Variants in SPG7 observed in about 807,000 individuals in gnomAD.
SPG7 encodes the protein mitochondrial inner membrane m-AAA protease component paraplegin.
A neutral mutation model predicts 81.9 loss-of-function variants in SPG7; 103 were observed. The ratio of observed to expected loss-of-function variants is 1.26; its 90% CI spans 1.07 to 1.48. SPG7 has a LOEUF of 1.48. Ranked by LOEUF, SPG7 falls within the 40% of genes most tolerant of loss-of-function variation. The pLI is 0.00. For synonymous variants in SPG7, 534 were observed against 444.2 expected (o/e 1.20, Z -2.54); for missense variants, 1,241 against 1,087.3 (o/e 1.14, Z -1.99).
intron 5 of SPG7, 166 bp from the exon 6 acceptor site, chr16:89,529,311 A>C (rs973833711): frequency 1.5e-6 from 1 of 662,168 alleles, no homozygotes; most frequent in African/African-American, 1.8e-5. Flanking sequence ...CGAGAATGAG[A>C]CGAGAGAACC....
chr16:89,513,559 T>C (rs2058050673), intron 3 of SPG7, among the ~76,000 whole-genome samples: 1 of 151,602 alleles, frequency 6.6e-6, no homozygotes, highest in Non-Finnish European at 1.5e-5. Flanking sequence ...AGACCCTATC[T>C]ATACAGAAAG....
Position 89,532,639 on chromosome 16 carries a change from C to G in SPG7, c.1324+3C>G. 1.9e-6 allele frequency: 3 copies of G among 1,613,202 alleles called. No homozygotes were observed. Among genetic ancestry groups the G allele is most frequent in the Non-Finnish European group, 2.5e-6 (3 of 1,180,022 alleles). On this transcript the variant is annotated splice_donor_region_variant and intron_variant, in intron 9 of 16. Transcript: ENST00000645818. The stretch of plus-strand genomic sequence containing the variant: ...CCAGCTTCTGGTAGAAATGGATGGT[C>G]AGTGCTCGTGCGCCCCGCACCCCCA...
chr16:89,554,549 G>T lies in SPG7; in HGVS notation c.2167G>T (p.Asp723Tyr). The stretch of plus-strand genomic sequence containing the variant: ...CGAGAAGGTGCTGCAGGACAACCTG[G>T]ACAAGTTGCAGGCGGTGAGGCCCTG... The part of the protein sequence containing the change: ...HTEKVLQDNL[D>Y]KLQALANALL... The change falls in exon 16 of 17, where the codon GAC (aspartate) becomes TAC (tyrosine). Residue 723 changes from aspartate to tyrosine, a missense_variant. Coordinates refer to ENST00000645818, the MANE Select transcript of SPG7 (RefSeq NM_003119.4). The T allele has an allele frequency of 6.2e-7, 1 of 1,609,316 alleles. No homozygotes were observed.
intron 9 of SPG7, chr16:89,541,407 A>G (rs1437277009): frequency 5.8e-6 from 5 of 859,300 alleles, no homozygotes; most frequent in African/African-American, 1.8e-5. Context: ...CAAAATAACA[A>G]AATTCTGGGG....
chr16:89,553,765 G>T, intron 14 of SPG7, 29 bp from the exon 15 acceptor site: 1 of 1,612,292 alleles, frequency 6.2e-7, no homozygotes, highest in Non-Finnish European at 8.5e-7. Flanking sequence ...CAGTGCTGAG[G>T]ATGCCTCTGT....
At chr16:89,526,742 T>C (rs2058266175) in intron 5 of SPG7, 1 of 413,308 alleles carries the variant, frequency 2.4e-6, no homozygotes, top group Non-Finnish European at 4.5e-6. Context: ...TGCTGAAGTC[T>C]AAGCCCCTGA....
intron 5 of SPG7, chr16:89,526,687 C>G (rs2152400587): frequency 1.9e-6 from 1 of 514,006 alleles, no homozygotes; most frequent in East Asian, 4.0e-5. Flanking sequence ...CTCGGACTTC[C>G]CAAGGATACC....
At chr16:89,536,835 C>T (rs1462966065) in intron 9 of SPG7, 3 of 1,614,200 alleles carry the variant, frequency 1.9e-6, no homozygotes, top group South Asian at 2.2e-5. Context: ...CCGCCTGCTC[C>T]TGTCTCACGG....
intron 6 of SPG7, 65 bp from the exon 7 acceptor site, chr16:89,530,618 G>C: frequency 6.2e-7 from 1 of 1,607,040 alleles, no homozygotes; most frequent in Middle Eastern, 1.7e-4. Context: ...TGGGCTGAGC[G>C]CTGGCATCGT....
Position 89,510,534 on chromosome 16 carries a change from CG to C in SPG7, c.230del (p.Gly77AspfsTer4), listed in dbSNP as rs1567893850. 1.9e-6 allele frequency: 3 copies of C among 1,606,618 alleles called. No homozygotes were observed. The African/African-American group carries it at 4.1e-5, about 22-fold the overall frequency. ...TAACCCCTACCTTTGAAGGGATCAA[CG>C]GATTGTTGTTGAAACAACATTTAGT... Reference protein sequence around the residue: ...LLTPTFEGINGLLLKQHLVQN... With the variant: ...LLTPTFEGINXLLLKQHLVQN... On this transcript the variant is annotated frameshift_variant, in exon 2 of 17. Coordinates refer to ENST00000645818, the MANE Select transcript of SPG7 (RefSeq NM_003119.4). LOFTEE classifies it high-confidence loss of function.
At chr16:89,542,916 T>TAA in intron 9 of SPG7, 1 of 150,790 alleles carries the variant, frequency 6.6e-6, no homozygotes, top group Non-Finnish European at 1.5e-5. Flanking sequence ...ATCCTGCTCT[T>TAA]ACATTAGTCA....
intron 9 of SPG7, chr16:89,539,591 G>A (rs1053383402): frequency 3.9e-5 from 6 of 152,134 alleles, no homozygotes; most frequent in African/African-American, 1.2e-4. Flanking sequence ...CTTTGAGACA[G>A]AGTCTTGCTC....
intron 12 of SPG7, 151 bp downstream of exon 12, chr16:89,548,264 T>C: frequency 3.1e-6 from 2 of 642,112 alleles, no homozygotes; most frequent in East Asian, 2.7e-5. Flanking sequence ...CATGTCTTTA[T>C]GATACCTTGT....
chr16:89,536,861 G>A lies in SPG7; in HGVS notation c.1324+4225G>A, dbSNP rs377524646. On this transcript the variant is annotated intron_variant, in intron 9 of 16. Transcript: ENST00000645818. ...TGTCTCACGGAGCCCACAGGGTCAC[G>A]GAGGGCAATGGAGGGTCATTCGCTC... The A allele has an allele frequency of 9.3e-6, 15 of 1,614,038 alleles. No individual in the cohort carries two copies. The Admixed American group carries it at 1.0e-4, about 11-fold the overall frequency.
At chr16:89,536,838 T>G (rs760304987) in intron 9 of SPG7, 45 of 1,613,996 alleles carry the variant, frequency 2.8e-5, no homozygotes, top group Non-Finnish European at 3.6e-5. Context: ...CCTGCTCCTG[T>G]CTCACGGAGC....
chr16:89,548,173 C>T (rs2058589628), intron 12 of SPG7, 60 bp downstream of exon 12: 1 of 1,197,258 alleles, frequency 8.4e-7, no homozygotes, highest in Non-Finnish European at 1.2e-6. Context: ...CCCAGAAATA[C>T]CCAGGCAGGT....
rs780230476 is a variant in SPG7 at position 89,523,953 on chromosome 16, C to T, written c.377-53C>T. The stretch of plus-strand genomic sequence containing the variant: ...TCCTGAGGAAGCTCTGGATGTCGCC[C>T]GTGTCTGTTGCTCATGTGTTTGTTT... On this transcript the variant is annotated intron_variant, in intron 3 of 16. Transcript: ENST00000645818. 5.5e-5 allele frequency: 88 copies of T among 1,603,546 alleles called. 1 individual carries two copies. The South Asian group carries it at 8.4e-4, about 15-fold the overall frequency.
chr16:89,544,852 G>T, intron 10 of SPG7, 80 bp downstream of exon 10: 1 of 1,555,618 alleles, frequency 6.4e-7, no homozygotes, highest in Non-Finnish European at 8.8e-7. Flanking sequence ...TCTCCTCTAA[G>T]ACACTTCTTG....
At chr16:89,537,521 ATTTTAT>A in intron 9 of SPG7, 1 of 990,810 alleles carries the variant, frequency 1.0e-6, no homozygotes, top group Non-Finnish European at 1.2e-6. Flanking sequence ...TGCTGTGAAC[ATTTTAT>A]GCTTCGACTT....
Sources: allele counts gnomAD v4.1 joint callset (sites outside exome capture counted in the v4.1 genomes callset), GRCh38; gene constraint gnomAD v4.1.1; transcripts MANE v1.5; gene names NCBI Gene and HGNC (gene_info 2026-07-23, HGNC 2026-07-21).